Variants in DNAH5 observed in about 807,000 individuals in gnomAD.
DNAH5 encodes dynein axonemal heavy chain 5, also known as axonemal beta dynein heavy chain 5.
Under a neutral mutation model 518.2 loss-of-function variants are expected in DNAH5, and 372 were observed. The ratio of observed to expected loss-of-function variants is 0.72; its 90% confidence interval spans 0.66 to 0.78. DNAH5 has a LOEUF of 0.78. Ranked by LOEUF, DNAH5 falls within the 30% of genes least tolerant of loss-of-function variation. The pLI is 0.00. For missense variants in DNAH5, 5,523 were observed against 5,687.0 expected (o/e 0.97, Z 0.93); for synonymous variants, 2,039 against 2,025.9 (o/e 1.01, Z -0.17).
chr5:13,764,118 C>T (rs1188530761), intron 59 of DNAH5, among the ~76,000 whole-genome samples: 1 of 152,106 alleles, frequency 6.6e-6, no homozygotes, highest in Non-Finnish European at 1.5e-5. Flanking sequence ...ACTGGGTATT[C>T]CCAATTAGTT....
chr5:13,936,157 G>A (rs1778905757), intron 1 of DNAH5, among the ~76,000 whole-genome samples: 1 of 152,178 alleles, frequency 6.6e-6, no homozygotes, highest in Admixed American at 6.5e-5. Context: ...TAAGGTTCTA[G>A]TCCCAGCTCT....
chr5:13,828,412 A>G (rs1233087535), intron 38 of DNAH5, among the ~76,000 whole-genome samples: 1 of 152,186 alleles, frequency 6.6e-6, no homozygotes. Flanking sequence ...ATTTTTACTG[A>G]TATGTACTAA....
chr5:13,925,523 A>T (rs1225052823), intron 3 of DNAH5, among the ~76,000 whole-genome samples: 1 of 152,188 alleles, frequency 6.6e-6, no homozygotes, highest in Non-Finnish European at 1.5e-5. Context: ...GGGAAGCCTC[A>T]CAATCATAGC....
At chr5:13,738,655 G>A (rs1259945125) in intron 65 of DNAH5, among the ~76,000 whole-genome samples, 6 of 152,122 alleles carry the variant, frequency 3.9e-5, no homozygotes, top group African/African-American at 1.4e-4. Flanking sequence ...AAAGATGGAG[G>A]TGGTGGCAGG....
At chr5:13,837,476 G>T (rs897265860) in intron 35 of DNAH5, among the ~76,000 whole-genome samples, 2 of 149,266 alleles carry the variant, frequency 1.3e-5, no homozygotes, top group African/African-American at 5.2e-5. Flanking sequence ...GCTTTGGACA[G>T]CGAACCTGGA....
At chr5:13,943,684 T>TA (rs1779667034) in intron 1 of DNAH5, among the ~76,000 whole-genome samples, 1 of 152,056 alleles carries the variant, frequency 6.6e-6, no homozygotes, top group Non-Finnish European at 1.5e-5. Context: ...TCTTTTGTGG[T>TA]AAAAACAACA....
At chr5:13,955,074 T>TTGA (rs1780669050) in intron 1 of DNAH5, among the ~76,000 whole-genome samples, 1 of 152,184 alleles carries the variant, frequency 6.6e-6, no homozygotes, top group Non-Finnish European at 1.5e-5. Context: ...TCCCCACGTA[T>TTGA]TGAAGGTGGA....
At position 13,841,737 on chromosome 5, in the gene DNAH5, T is replaced by A. The variant is rs754274080; in HGVS notation, c.5439A>T (p.Glu1813Asp). 4 of 1,614,060 alleles carry A rather than the reference T, an allele frequency of 2.5e-6. No homozygotes were observed. In the South Asian group the frequency reaches 3.3e-5, roughly 13 times the overall value. The change falls in exon 33 of 79, where the codon GAA becomes GAT. Residue 1813 changes from glutamate (E) to aspartate (D), a missense_variant. Transcript: ENST00000265104. ...GAAATTCAGTTAGTTGGAAACCTGT[T>A]TCTTGAATATTTGCGGCTGCCTGGC... ...VIRQAAANIQ[E>D]TGFQLTEFLS...
intron 65 of DNAH5, among the ~76,000 whole-genome samples, chr5:13,744,990 A>C (rs1749135212): frequency 6.6e-6 from 1 of 152,074 alleles, no homozygotes. Context: ...GTCCTTCTTA[A>C]ATTACTTCCC....
chr5:13,789,837 G>A (rs1049588519), intron 50 of DNAH5, among the ~76,000 whole-genome samples: 2 of 152,064 alleles, frequency 1.3e-5, no homozygotes, highest in South Asian at 2.1e-4. Flanking sequence ...TATTCACGCC[G>A]CTAAACTGAC....
chr5:13,910,431 C>CAGA (rs1172829730), intron 12 of DNAH5, among the ~76,000 whole-genome samples: 2 of 152,214 alleles, frequency 1.3e-5, no homozygotes, highest in African/African-American at 4.8e-5. Flanking sequence ...TGTTATGACT[C>CAGA]ATTCTAACAC....
intron 30 of DNAH5, among the ~76,000 whole-genome samples, chr5:13,856,580 C>T (rs2151894903): frequency 6.6e-6 from 1 of 152,180 alleles, no homozygotes. Context: ...AAAATTTAGG[C>T]CAATATCTCT....
chr5:13,913,822 A>G lies in DNAH5; in HGVS notation c.1457T>C (p.Ile486Thr). The G allele has an allele frequency of 6.2e-7, 1 of 1,613,672 alleles. No individual in the cohort carries two copies. The highest frequency in any genetic ancestry group is 8.5e-7 in the Non-Finnish European group (1 of 1,179,642). Residue 486 changes from isoleucine to threonine, a missense_variant, in exon 11 of 79, where the codon ATC becomes ACC. By Grantham distance (89) the Ile-to-Thr change is moderately conservative. Around this residue, in one of 3 missense-constraint regions of DNAH5, gnomAD observed 5,121 missense variants for 5,223.3 expected, o/e 0.98. Transcript: ENST00000265104. Reference sequence around the variant, plus strand: ...TGAATACGTCTTGAGGGTTGTAAAGATGTCTATTATCTTGGCAAGGCGTCG... The same window carrying G: ...TGAATACGTCTTGAGGGTTGTAAAGGTGTCTATTATCTTGGCAAGGCGTCG... ...FHRRLAKIID[I>T]FTTLKTYSVL...
intron 1 of DNAH5, among the ~76,000 whole-genome samples, chr5:13,992,988 G>A (rs1228029430): frequency 6.6e-6 from 1 of 152,088 alleles, no homozygotes; most frequent in Admixed American, 6.6e-5. Flanking sequence ...TTTGAGAAGT[G>A]GAAATCTATT....
At chr5:13,783,509 G>C (rs1322207722) in intron 52 of DNAH5, among the ~76,000 whole-genome samples, 1 of 152,080 alleles carries the variant, frequency 6.6e-6, no homozygotes, top group Non-Finnish European at 1.5e-5. Flanking sequence ...AGGCGCTCCA[G>C]GATCATGATT....
intron 46 of DNAH5, among the ~76,000 whole-genome samples, chr5:13,807,993 G>A (rs756014057): frequency 2.6e-5 from 4 of 152,058 alleles, no homozygotes; most frequent in Non-Finnish European, 4.4e-5. Context: ...ACTTTGGGAG[G>A]CTGAGGTAGG....
intron 1 of DNAH5, among the ~76,000 whole-genome samples, chr5:14,004,999 A>G (rs1183695289): frequency 6.6e-6 from 1 of 152,140 alleles, no homozygotes; most frequent in African/African-American, 2.4e-5. Flanking sequence ...AAGGCAGCTC[A>G]TATTTCAAGG....
At chr5:13,800,384 A>T (rs1758562176) in intron 47 of DNAH5, among the ~76,000 whole-genome samples, 1 of 151,888 alleles carries the variant, frequency 6.6e-6, no homozygotes, top group South Asian at 2.1e-4. Flanking sequence ...TCAAACATAA[A>T]CTCCACTTCC....
At position 13,967,657 on chromosome 5, in the gene DNAH5, C is replaced by G. The variant is rs116934073; in HGVS notation, c.13-36413G>C. ...TGTTTGTTTGTTTGTTTTTTGCTGA[C>G]TCTTGCTCTGGCTGTATGGGCTCTT... On this transcript the variant is annotated intron_variant, in intron 1 of 78. Coordinates refer to the DNAH5 transcript ENST00000681290. Among the ~76,000 whole-genome samples, 22 of 152,000 alleles carry G rather than the reference C, an allele frequency of 1.4e-4. No individual in the cohort carries two copies. The East Asian group carries it at 4.3e-3, about 29-fold the overall frequency.
Sources: gnomAD v4.1 joint callset for allele counts (sites outside exome capture counted in the v4.1 genomes callset) on GRCh38, gnomAD v4.1.1 for gene constraint, gnomAD v4.1.1 regional missense constraint, MANE v1.5 for transcripts, NCBI Gene and HGNC (gene_info 2026-07-23, HGNC 2026-07-21) for gene names.